Variants in SCAPER observed in about 807,000 individuals in gnomAD.
The protein encoded by SCAPER is S phase cyclin A-associated protein in the endoplasmic reticulum.
In SCAPER, 98 loss-of-function variants were observed where a neutral mutation model predicts 182.2. The observed-to-expected ratio is 0.54, with a 90% CI of 0.46 to 0.64. The LOEUF (loss-of-function observed/expected upper bound fraction) is 0.64. Among genes scored for constraint, SCAPER ranks in the 30% least tolerant of loss-of-function variants. The probability of loss-of-function intolerance (pLI) is 0.00; values close to 1 mark genes in which losing one functional copy is unlikely to be tolerated. For missense variants in SCAPER, 1,432 were observed against 1,690.0 expected (o/e 0.85, Z 2.68); for synonymous variants, 605 against 564.6 (o/e 1.07, Z -1.01).
At chr15:76,870,947 C>T (rs564002191) in intron 2 of SCAPER, among the ~76,000 whole-genome samples, 2 of 151,996 alleles carry the variant, frequency 1.3e-5, no homozygotes, top group Admixed American at 1.3e-4. Context: ...GTACCGACAA[C>T]AACAACAACA....
intron 20 of SCAPER, among the ~76,000 whole-genome samples, chr15:76,680,902 T>C (rs191495034): frequency 5.4e-4 from 82 of 152,294 alleles, no homozygotes; most frequent in African/African-American, 2.0e-3. Flanking sequence ...CACAAAAACA[T>C]ACTAAGACAC....
intron 23 of SCAPER, among the ~76,000 whole-genome samples, chr15:76,559,506 C>T (rs1000613385): frequency 3.3e-5 from 5 of 152,094 alleles, no homozygotes; most frequent in African/African-American, 9.7e-5. Context: ...AACTGTGAGT[C>T]GGTTAAACTC....
intron 26 of SCAPER, among the ~76,000 whole-genome samples, chr15:76,413,811 G>A (rs927448402): frequency 8.5e-5 from 13 of 152,164 alleles, no homozygotes; most frequent in Admixed American, 4.6e-4. Flanking sequence ...GGACCTGGGG[G>A]TAAGAAAAAC....
chr15:76,375,145 G>A (rs1287401731), intron 29 of SCAPER, among the ~76,000 whole-genome samples: 4 of 150,112 alleles, frequency 2.7e-5, no homozygotes, highest in African/African-American at 9.9e-5. Flanking sequence ...TTGAGCCCAG[G>A]GGGTCAAGGC....
At chr15:76,699,170 C>G (rs2058798995) in intron 20 of SCAPER, among the ~76,000 whole-genome samples, 2 of 151,934 alleles carry the variant, frequency 1.3e-5, no homozygotes, top group African/African-American at 4.8e-5. Context: ...TGGAGCAGAC[C>G]CTTTTAGGTT....
chr15:76,482,251 G>GTA (rs1357705775), intron 24 of SCAPER, among the ~76,000 whole-genome samples: 2 of 152,034 alleles, frequency 1.3e-5, no homozygotes, highest in African/African-American at 4.8e-5. Context: ...TTGCCTAATG[G>GTA]TATAGCTCCA....
chr15:76,458,206 TTATAGA>T (rs1392249209), intron 25 of SCAPER, among the ~76,000 whole-genome samples: 3 of 152,056 alleles, frequency 2.0e-5, no homozygotes, highest in East Asian at 3.9e-4. Context: ...TATATTCTCC[TTATAGA>T]TATATATACA....
intron 4 of SCAPER, among the ~76,000 whole-genome samples, chr15:76,847,787 G>A (rs575395783): frequency 1.1e-4 from 16 of 152,106 alleles, no homozygotes; most frequent in Non-Finnish European, 1.6e-4. Flanking sequence ...CAGGTGTGGT[G>A]GCACACACCT....
At position 76,605,371 on chromosome 15, in the gene SCAPER, T is replaced by G. The variant is rs111868457; in HGVS notation, c.2711+16393A>C. ...ACCAGCCTTGCATCCCAGGGATGAA[T>G]CCCACTTGATCGTGGTGGATAAGCT... On this transcript the variant is annotated intron_variant, in intron 22 of 31. Transcript: ENST00000563290. Among the ~76,000 whole-genome samples, 1,386 of 151,956 alleles carry G rather than the reference T, an allele frequency of 9.1e-3. 12 individuals carry two copies. The highest frequency in any genetic ancestry group is 0.027 in the African/African-American group (1,105 of 41,448).
chr15:76,614,229 T>A (rs2051253822), intron 22 of SCAPER, among the ~76,000 whole-genome samples: 1 of 151,964 alleles, frequency 6.6e-6, no homozygotes, highest in African/African-American at 2.4e-5. Context: ...GGGAACAACA[T>A]ACCTTGGGGC....
In SCAPER at chr15:76,795,320, A is replaced by T; in HGVS notation, c.732T>A (p.Ser244=). 2 of 1,613,332 alleles carry T rather than the reference A, an allele frequency of 1.2e-6. No homozygotes were observed. The highest frequency in any genetic ancestry group is 4.5e-5 in the East Asian group (2 of 44,852). The change falls in exon 8 of 32, where the codon TCT becomes TCA. Residue 244 remains serine, a synonymous_variant. Coordinates refer to ENST00000563290, the MANE Select transcript of SCAPER (RefSeq NM_020843.4). ...TASSEITPAQ[S]CPPMTVQKAS... is the part of the protein sequence containing the mutation. ...CCTTCTGCACTGTCATTGGTGGGCA[A>T]GACTGGGCGGGTGTTATTTCTGAAG...
chr15:76,866,300 A>T (rs577558963), intron 2 of SCAPER, among the ~76,000 whole-genome samples: 1 of 152,178 alleles, frequency 6.6e-6, no homozygotes, highest in South Asian at 2.1e-4. Flanking sequence ...TCACTATGCC[A>T]TACATTACAT....
intron 21 of SCAPER, among the ~76,000 whole-genome samples, chr15:76,622,663 C>G (rs2052201199): frequency 6.6e-6 from 1 of 152,052 alleles, no homozygotes; most frequent in South Asian, 2.1e-4. Flanking sequence ...GCAGAAATAA[C>G]TACTTGGTAG....
intron 24 of SCAPER, among the ~76,000 whole-genome samples, chr15:76,473,282 C>T (rs1007553487): frequency 3.3e-5 from 5 of 152,166 alleles, no homozygotes; most frequent in East Asian, 1.9e-4. Flanking sequence ...AGTTGTTGTA[C>T]ACCGTTAACG....
rs148590711 is a variant in SCAPER at position 76,845,314 on chromosome 15, A to G, written c.196-3383T>C. Among the ~76,000 whole-genome samples the G allele has an allele frequency of 4.0e-3, 602 of 152,306 alleles. 4 individuals are homozygous for G. Among genetic ancestry groups the G allele is most frequent in the African/African-American group, 0.012 (513 of 41,576 alleles). ...CCTTTCCTTTAAGATCTGGAACATG[A>G]AAAGGATACCTGCTTTCACCACTGT... On this transcript the variant is annotated intron_variant, in intron 4 of 31. Transcript: ENST00000563290.
chr15:76,595,723 A>G (rs1404809000), intron 22 of SCAPER, among the ~76,000 whole-genome samples: 1 of 122,452 alleles, frequency 8.2e-6, no homozygotes, highest in Non-Finnish European at 2.0e-5. Context: ...TACTGGTTAC[A>G]TAACAAAATT....
intron 21 of SCAPER, among the ~76,000 whole-genome samples, chr15:76,652,518 TACACACACACAC>T (rs71143350): frequency 0.018 from 1,594 of 88,906 alleles, 45 homozygotes; most frequent in African/African-American, 0.067. Flanking sequence ...TTTACATACA[TACACACACACAC>T]ACACACACAC....
chr15:76,771,638 C>A, intron 10 of SCAPER, 104 bp downstream of exon 10: 2 of 774,392 alleles, frequency 2.6e-6, no homozygotes, highest in Non-Finnish European at 4.0e-6. Flanking sequence ...TATAAAAATG[C>A]TTTAAAAAGT....
At chr15:76,677,783 T>C (rs1363762803) in intron 20 of SCAPER, among the ~76,000 whole-genome samples, 2 of 151,024 alleles carry the variant, frequency 1.3e-5, no homozygotes, top group East Asian at 1.9e-4. Flanking sequence ...TTCTATGAAA[T>C]AATTCATACT....
Sources: allele counts gnomAD v4.1 joint callset (sites outside exome capture counted in the v4.1 genomes callset), GRCh38; gene constraint gnomAD v4.1.1; transcripts MANE v1.5; gene names NCBI Gene and HGNC (gene_info 2026-07-23, HGNC 2026-07-21).